ZEB2: variants seen among roughly 807,000 people sequenced by gnomAD.
ZEB2 encodes the protein zinc finger E-box-binding homeobox 2.
ZEB2 carries 6 observed loss-of-function variants against 99.9 expected under a neutral mutation model. That is an observed-to-expected ratio of 0.06 (90% confidence interval 0.03 to 0.12). ZEB2 has a LOEUF of 0.12. Among genes scored for constraint, ZEB2 ranks in the 10% least tolerant of loss-of-function variants. The pLI, the probability that ZEB2 is intolerant of heterozygous loss-of-function variation, is 1.00. For missense variants in ZEB2, 969 were observed against 1,502.8 expected (o/e 0.64, Z 5.87); for synonymous variants, 517 against 542.5 (o/e 0.95, Z 0.65).
chr2:144,398,014 T>C, intron 8 of ZEB2: 1 of 375,276 alleles, frequency 2.7e-6, no homozygotes, highest in Non-Finnish European at 5.1e-6. Flanking sequence ...TACCAAATAT[T>C]TTCACCAAAG....
intron 2 of ZEB2, among the ~76,000 whole-genome samples, chr2:144,510,877 T>C (rs1394197953): frequency 2.0e-5 from 3 of 152,190 alleles, no homozygotes; most frequent in African/African-American, 4.8e-5. Flanking sequence ...GGATCAGATA[T>C]GAAAGGCATT....
Position 144,423,500 on chromosome 2 carries a change from G to A in ZEB2, c.403+1296C>T, listed in dbSNP as rs1020369109. Among the ~76,000 whole-genome samples, 24 of 152,262 alleles carry A rather than the reference G, an allele frequency of 1.6e-4. No individual in the cohort carries two copies. In the East Asian group the frequency reaches 4.4e-3, roughly 28 times the overall value. The stretch of plus-strand genomic sequence containing the variant: ...TAGAAGTATTATTATCAAGAAACTA[G>A]TTGAATCTATTCGTTTTGCAGTTGT... On this transcript the variant is annotated intron_variant, in intron 4 of 9. Coordinates refer to ENST00000627532, the MANE Select transcript of ZEB2 (RefSeq NM_014795.4).
intron 2 of ZEB2, among the ~76,000 whole-genome samples, chr2:144,486,708 G>C (rs2149917022): frequency 6.6e-6 from 1 of 152,184 alleles, no homozygotes; most frequent in Non-Finnish European, 1.5e-5. Context: ...ACAAGGGAAG[G>C]GTGTAAGTGA....
intron 2 of ZEB2, chr2:144,513,683 C>G (rs116497883): frequency 6.5e-7 from 1 of 1,535,234 alleles, no homozygotes. Flanking sequence ...TCCCAGGACC[C>G]GCTGCCCGAA....
At chr2:144,390,651 G>C (rs1383862648) in intron 9 of ZEB2, 1 of 162,486 alleles carries the variant, frequency 6.2e-6, no homozygotes, top group Non-Finnish European at 1.4e-5. Context: ...AAATTAGGAG[G>C]GTGTATATCA....
intron 2 of ZEB2, among the ~76,000 whole-genome samples, chr2:144,444,102 T>G (rs929384195): frequency 2.0e-5 from 3 of 152,210 alleles, no homozygotes; most frequent in Non-Finnish European, 4.4e-5. Context: ...TCTATTGTCT[T>G]TGCACTCTAA....
intron 2 of ZEB2, among the ~76,000 whole-genome samples, chr2:144,492,885 T>C (rs1704702492): frequency 6.6e-6 from 1 of 152,246 alleles, no homozygotes; most frequent in African/African-American, 2.4e-5. Flanking sequence ...ATTATACCTT[T>C]GCTTTAACGA....
At chr2:144,419,334 C>T (rs976154996) in intron 4 of ZEB2, among the ~76,000 whole-genome samples, 2 of 152,146 alleles carry the variant, frequency 1.3e-5, no homozygotes, top group Non-Finnish European at 2.9e-5. Flanking sequence ...AGAACTGATG[C>T]CTAAATTGGC....
At chr2:144,517,841 C>T in intron 1 of ZEB2, 1 of 571,746 alleles carries the variant, frequency 1.7e-6, no homozygotes. Flanking sequence ...CCCCACCCCC[C>T]AATTCCCAGA....
chr2:144,506,595 T>C (rs1704954080), intron 2 of ZEB2, among the ~76,000 whole-genome samples: 1 of 152,210 alleles, frequency 6.6e-6, no homozygotes, highest in South Asian at 2.1e-4. Context: ...GTTACTTGGA[T>C]ATACAAGACA....
chr2:144,513,752 G>A (rs1021119413), intron 2 of ZEB2: 1 of 1,536,094 alleles, frequency 6.5e-7, no homozygotes, highest in South Asian at 1.2e-5. Context: ...GTGGCAAGCA[G>A]CAGCAGGGCA....
At chr2:144,409,536 T>A (rs551298123) in intron 4 of ZEB2, among the ~76,000 whole-genome samples, 8 of 152,268 alleles carry the variant, frequency 5.3e-5, no homozygotes, top group African/African-American at 1.9e-4. Flanking sequence ...GTATTTATGA[T>A]CAAACCATAA....
intron 4 of ZEB2, 46 bp from the exon 5 acceptor site, chr2:144,405,070 C>G: frequency 6.3e-7 from 1 of 1,587,360 alleles, no homozygotes; most frequent in South Asian, 1.1e-5. Context: ...GGCCTTCTTC[C>G]TAGGATCCCA....
chr2:144,476,691 T>C (rs1327144859), intron 2 of ZEB2, among the ~76,000 whole-genome samples: 1 of 152,242 alleles, frequency 6.6e-6, no homozygotes, highest in Non-Finnish European at 1.5e-5. Flanking sequence ...TCTATATTTT[T>C]ATTGTTTCAC....
chr2:144,497,288 ATCT>A (rs557436935), intron 2 of ZEB2, among the ~76,000 whole-genome samples: 162 of 152,172 alleles, frequency 1.1e-3, no homozygotes, highest in African/African-American at 3.9e-3. Flanking sequence ...TTTTCATCAT[ATCT>A]TAAATGCACC....
intron 2 of ZEB2, among the ~76,000 whole-genome samples, chr2:144,448,367 T>C (rs1015514590): frequency 7.9e-5 from 12 of 152,170 alleles, no homozygotes; most frequent in African/African-American, 2.4e-4. Flanking sequence ...GCAGCCGGAC[T>C]CCATTTTACA....
chr2:144,393,468 A>T (rs918383816), intron 9 of ZEB2, among the ~76,000 whole-genome samples: 2 of 152,220 alleles, frequency 1.3e-5, no homozygotes, highest in Admixed American at 1.3e-4. Flanking sequence ...ATTCAATTTT[A>T]TTTCCCGACC....
At chr2:144,481,648 T>C (rs1420740458) in intron 2 of ZEB2, among the ~76,000 whole-genome samples, 1 of 152,228 alleles carries the variant, frequency 6.6e-6, no homozygotes, top group Non-Finnish European at 1.5e-5. Flanking sequence ...CAAAAAATTT[T>C]TGATGTGAAA....
At chr2:144,472,561 C>T (rs1704373036) in intron 2 of ZEB2, among the ~76,000 whole-genome samples, 1 of 152,134 alleles carries the variant, frequency 6.6e-6, no homozygotes, top group Non-Finnish European at 1.5e-5. Flanking sequence ...CTCATCACAA[C>T]AATCCATTTT....
Sources: allele counts gnomAD v4.1 joint callset (sites outside exome capture counted in the v4.1 genomes callset), GRCh38; gene constraint gnomAD v4.1.1; transcripts MANE v1.5; gene names NCBI Gene and HGNC (gene_info 2026-07-23, HGNC 2026-07-21).